Variants in ABLIM3 observed in about 807,000 individuals in gnomAD.
ABLIM3 encodes actin-binding LIM protein 3.
ABLIM3 carries 61 observed loss-of-function variants against 109.5 expected under a neutral mutation model. That is an observed-to-expected ratio of 0.56 (90% CI 0.45 to 0.69). The LOEUF (loss-of-function observed/expected upper bound fraction) is 0.69, where lower values mean the gene tolerates loss of function less well. Ranked by LOEUF, ABLIM3 falls within the 30% of genes least tolerant of loss-of-function variation. ABLIM3 has a pLI of 0.00. For missense variants in ABLIM3, 796 were observed against 889.5 expected, an observed-to-expected ratio of 0.89 and a Z score of 1.34; for synonymous variants, 300 against 324.8, an observed-to-expected ratio of 0.92 and a Z score of 0.82.
chr5:149,149,696 T>C (rs187934644), intron 2 of ABLIM3, among the ~76,000 whole-genome samples: 5 of 152,312 alleles, frequency 3.3e-5, no homozygotes, highest in African/African-American at 1.2e-4. Context: ...ACTGATTGTT[T>C]TATAAGGCAA....
chr5:149,228,305 AAGTCTCTTCTTC>A (rs1238797143), intron 8 of ABLIM3, among the ~76,000 whole-genome samples: 2 of 152,198 alleles, frequency 1.3e-5, no homozygotes, highest in Admixed American at 1.3e-4. Context: ...CCATTCTGTT[AAGTCTCTTCTTC>A]AGGGTAAAGA....
chr5:149,252,440 C>G, intron 22 of ABLIM3: 1 of 561,318 alleles, frequency 1.8e-6, no homozygotes. Flanking sequence ...TTCAGAGACA[C>G]TCTGTTGGCT....
intron 10 of ABLIM3, among the ~76,000 whole-genome samples, chr5:149,237,182 C>T (rs1019136792): frequency 2.6e-5 from 4 of 152,186 alleles, no homozygotes; most frequent in African/African-American, 4.8e-5. Context: ...TTCACAGAGG[C>T]ATTACAACAT....
At chr5:149,161,012 A>G (rs1446804473) in intron 2 of ABLIM3, among the ~76,000 whole-genome samples, 1 of 151,838 alleles carries the variant, frequency 6.6e-6, no homozygotes, top group Non-Finnish European at 1.5e-5. Context: ...CCCTCCCTCT[A>G]TCTCTTCCCA....
chr5:149,241,513 C>T (rs1314407780), intron 14 of ABLIM3, among the ~76,000 whole-genome samples: 1 of 152,216 alleles, frequency 6.6e-6, no homozygotes, highest in Non-Finnish European at 1.5e-5. Context: ...GTAATCCCAG[C>T]ACTTTGGGAG....
chr5:149,249,056 T>C (rs1174000146), intron 18 of ABLIM3, among the ~76,000 whole-genome samples: 2 of 152,316 alleles, frequency 1.3e-5, no homozygotes, highest in African/African-American at 4.8e-5. Flanking sequence ...AGAGCTGCAA[T>C]GTAGAGGGAT....
At chr5:149,229,122 C>A (rs550191711) in intron 8 of ABLIM3, among the ~76,000 whole-genome samples, 1 of 152,272 alleles carries the variant, frequency 6.6e-6, no homozygotes, top group East Asian at 1.9e-4. Context: ...AGAGAGGAAC[C>A]GGAAACGCTC....
At chr5:149,255,468 G>A (rs546691800) in intron 23 of ABLIM3, among the ~76,000 whole-genome samples, 2 of 152,336 alleles carry the variant, frequency 1.3e-5, no homozygotes, top group Non-Finnish European at 2.9e-5. Flanking sequence ...CCATGTGTTA[G>A]AAGGTAATAA....
chr5:149,242,300 G>A (rs919331716), intron 14 of ABLIM3, among the ~76,000 whole-genome samples, 191 bp from the exon 15 acceptor site: 3 of 152,180 alleles, frequency 2.0e-5, no homozygotes, highest in African/African-American at 7.2e-5. Context: ...CTTGGAACCT[G>A]TTGGGACGAG....
intron 2 of ABLIM3, among the ~76,000 whole-genome samples, chr5:149,148,695 C>G (rs1033812005): frequency 6.6e-6 from 1 of 152,206 alleles, no homozygotes; most frequent in African/African-American, 2.4e-5. Context: ...CCTGTAAGGC[C>G]CGATGTGGCC....
intron 2 of ABLIM3, among the ~76,000 whole-genome samples, chr5:149,149,518 G>T (rs1282316525): frequency 1.3e-5 from 2 of 152,208 alleles, no homozygotes; most frequent in South Asian, 2.1e-4. Flanking sequence ...CCTACAGGAA[G>T]CTTATTAACC....
chr5:149,166,547 TG>T, intron 2 of ABLIM3, among the ~76,000 whole-genome samples: 1 of 152,340 alleles, frequency 6.6e-6, no homozygotes, highest in Non-Finnish European at 1.5e-5. Context: ...AGTCTCAGTA[TG>T]GCTCACCAAG....
chr5:149,170,271 C>CTT (rs1205054119), intron 2 of ABLIM3, among the ~76,000 whole-genome samples: 5 of 107,536 alleles, frequency 4.6e-5, no homozygotes, highest in East Asian at 5.9e-4. Context: ...TCTCCTTCTC[C>CTT]CTCTCTCTCT....
intron 3 of ABLIM3, 110 bp downstream of exon 3, chr5:149,183,699 A>G (rs1561561752): frequency 1.6e-6 from 2 of 1,246,608 alleles, no homozygotes; most frequent in South Asian, 4.6e-5. Flanking sequence ...GAATATCTAT[A>G]AAGACCTAAA....
chr5:149,183,242 C>T (rs1224426684), intron 2 of ABLIM3, among the ~76,000 whole-genome samples: 1 of 152,198 alleles, frequency 6.6e-6, no homozygotes, highest in Admixed American at 6.5e-5. Context: ...CTCAAAAGTC[C>T]TTGCCTGCTT....
At chr5:149,151,113 C>T (rs1040202637) in intron 2 of ABLIM3, among the ~76,000 whole-genome samples, 8 of 152,138 alleles carry the variant, frequency 5.3e-5, no homozygotes, top group Admixed American at 4.6e-4. Context: ...GCTAAAAGTC[C>T]AAAACGAAGG....
intron 2 of ABLIM3, among the ~76,000 whole-genome samples, chr5:149,148,225 G>A (rs1753104177): frequency 6.6e-6 from 1 of 152,160 alleles, no homozygotes; most frequent in Non-Finnish European, 1.5e-5. Context: ...CTGAAATCTA[G>A]CTGAATATTA....
chr5:149,180,029 C>T (rs1030555626), intron 2 of ABLIM3, among the ~76,000 whole-genome samples: 3 of 152,176 alleles, frequency 2.0e-5, no homozygotes, highest in Admixed American at 1.3e-4. Flanking sequence ...AAATCAATCA[C>T]ATAATCTATA....
At chr5:149,240,156 C>G (rs1017927671) in intron 13 of ABLIM3, among the ~76,000 whole-genome samples, 1 of 152,158 alleles carries the variant, frequency 6.6e-6, no homozygotes, top group African/African-American at 2.4e-5. Context: ...GCCCTGTGGC[C>G]CTGGTGGAAG....
Sources: gnomAD v4.1 joint callset for allele counts (sites outside exome capture counted in the v4.1 genomes callset) on GRCh38, gnomAD v4.1.1 for gene constraint, MANE v1.5 for transcripts, NCBI Gene and HGNC (gene_info 2026-07-23, HGNC 2026-07-21) for gene names.